PPP2R2B: variants seen among roughly 807,000 people sequenced by gnomAD.
The protein encoded by PPP2R2B is protein phosphatase 2 regulatory subunit Bbeta, also known as serine/threonine-protein phosphatase 2A 55 kDa regulatory subunit B beta isoform.
PPP2R2B carries 5 observed loss-of-function variants against 46.0 expected under a neutral mutation model. That is an observed-to-expected ratio of 0.11 (90% confidence interval 0.06 to 0.23). The LOEUF is 0.23. PPP2R2B is among the 10% of genes least tolerant of loss of function. The pLI is 1.00. For missense variants in PPP2R2B, 367 were observed against 575.0 expected, an observed-to-expected ratio of 0.64 and a Z score of 3.70; for synonymous variants, 215 against 206.7, an observed-to-expected ratio of 1.04 and a Z score of -0.34.
At chr5:146,778,794 AC>A (rs1755335688) in intron 2 of PPP2R2B, among the ~76,000 whole-genome samples, 1 of 152,106 alleles carries the variant, frequency 6.6e-6, no homozygotes, top group Non-Finnish European at 1.5e-5. Context: ...AATTTGGAAA[AC>A]TCAGAATCTA....
At chr5:146,854,656 CATTAT>C (rs1365660387) in intron 2 of PPP2R2B, among the ~76,000 whole-genome samples, 1 of 152,170 alleles carries the variant, frequency 6.6e-6, no homozygotes, top group Non-Finnish European at 1.5e-5. Context: ...GTGATTCTTA[CATTAT>C]ATTAAAACAC....
At chr5:146,853,021 G>A (rs1403201768) in intron 2 of PPP2R2B, among the ~76,000 whole-genome samples, 1 of 152,098 alleles carries the variant, frequency 6.6e-6, no homozygotes, top group Non-Finnish European at 1.5e-5. Flanking sequence ...TCGTCACAGA[G>A]GGGCATGGAG....
intron 1 of PPP2R2B, among the ~76,000 whole-genome samples, chr5:147,011,501 G>A (rs1580799127): frequency 6.6e-6 from 1 of 152,106 alleles, no homozygotes; most frequent in African/African-American, 2.4e-5. Flanking sequence ...TTCAGACTAT[G>A]TCTATAAGGA....
At position 146,878,472 on chromosome 5, in the gene PPP2R2B, G is replaced by A. The variant is rs1002573506; in HGVS notation, c.-125+119C>T. On this transcript the variant is annotated intron_variant, in intron 1 of 9. Transcript: ENST00000394411. The surrounding 1 kb of genome is among the most constrained non-coding windows in gnomAD (Gnocchi z 4.5). Reference sequence around the variant, plus strand: ...CAACAGGTTCCCCTCCTTGGCAGCCGCTCCAAAATGCAAAAAAGATCCCTC... The same window carrying A: ...CAACAGGTTCCCCTCCTTGGCAGCCACTCCAAAATGCAAAAAAGATCCCTC... The A allele has an allele frequency of 3.0e-6, 4 of 1,326,152 alleles. No individual in the cohort carries two copies. Among genetic ancestry groups the A allele is most frequent in the Admixed American group, 3.4e-5 (1 of 29,566 alleles). The allele number at this position is 1,326,152 out of a possible 1,614,324, so 82.1% of individuals were successfully genotyped here.
chr5:146,885,982 G>A (rs935307913), intron 1 of PPP2R2B, among the ~76,000 whole-genome samples: 3 of 152,106 alleles, frequency 2.0e-5, no homozygotes, highest in Non-Finnish European at 4.4e-5. Flanking sequence ...AAAAAAAAAA[G>A]GGGTGGGAAT....
At chr5:146,873,235 A>C (rs1761713661) in intron 2 of PPP2R2B, among the ~76,000 whole-genome samples, 1 of 152,112 alleles carries the variant, frequency 6.6e-6, no homozygotes, top group Non-Finnish European at 1.5e-5. Context: ...ATCTTTCTCT[A>C]TTACGTATCT....
intron 1 of PPP2R2B, among the ~76,000 whole-genome samples, chr5:146,944,898 G>T (rs1356283484): frequency 6.6e-6 from 1 of 152,094 alleles, no homozygotes; most frequent in East Asian, 1.9e-4. Flanking sequence ...CATTGAAAAG[G>T]TATGGCAAAT....
At chr5:147,053,285 G>T (rs1756920719) in intron 1 of PPP2R2B, among the ~76,000 whole-genome samples, 1 of 150,918 alleles carries the variant, frequency 6.6e-6, no homozygotes, top group Non-Finnish European at 1.5e-5. Context: ...ACAATGACAA[G>T]GAGAAGTTGG....
intron 2 of PPP2R2B, among the ~76,000 whole-genome samples, chr5:146,825,545 G>GT (rs923147840): frequency 1.2e-4 from 18 of 152,266 alleles, no homozygotes; most frequent in Admixed American, 8.5e-4. Flanking sequence ...TATCATAAGT[G>GT]TTTTTTCTTT....
At chr5:146,724,141 G>T (rs1012507050) in intron 2 of PPP2R2B, among the ~76,000 whole-genome samples, 1 of 152,050 alleles carries the variant, frequency 6.6e-6, no homozygotes, top group African/African-American at 2.4e-5. Flanking sequence ...GATTAAAAAG[G>T]CAGGTTGTCT....
intron 1 of PPP2R2B, among the ~76,000 whole-genome samples, chr5:147,017,352 T>A (rs1464671426): frequency 6.6e-6 from 1 of 151,528 alleles, no homozygotes; most frequent in Non-Finnish European, 1.5e-5. Flanking sequence ...GGGAGGGAGA[T>A]GACAGTTCAG....
chr5:146,807,068 G>C (rs1439559990), intron 2 of PPP2R2B, among the ~76,000 whole-genome samples: 5 of 152,116 alleles, frequency 3.3e-5, no homozygotes, highest in Non-Finnish European at 4.4e-5. Context: ...GGAGACCTGG[G>C]GGCCTGGCAG....
In PPP2R2B at chr5:146,587,339, G is replaced by C. The variant is rs919807210; in HGVS notation, c.*2608C>G. ...CTCCTGTTCCCGTCCAGGAGTCTTG[G>C]GTGTTTGCTCTAATGCATCCTTTGC... is the stretch of plus-strand genomic sequence containing the variant. On this transcript the variant is annotated 3_prime_UTR_variant, in exon 10 of 10. Transcript: ENST00000394411. 1 of 152,226 alleles carries C rather than the reference G, an allele frequency of 6.6e-6. No homozygotes were observed. Among genetic ancestry groups the C allele is most frequent in the Non-Finnish European group, 1.5e-5 (1 of 68,078 alleles). 9.4% of individuals were successfully genotyped at this position (152,226 alleles called of 1,614,324 possible). A position where few individuals can be genotyped will look rare whatever the true frequency, so the allele number is the denominator to read the frequency against.
intron 2 of PPP2R2B, among the ~76,000 whole-genome samples, chr5:146,814,171 C>T (rs1362633287): frequency 6.0e-5 from 9 of 148,806 alleles, no homozygotes; most frequent in Non-Finnish European, 8.9e-5. Context: ...CAAATAAATA[C>T]TGAAGGTAGA....
chr5:146,824,061 A>T (rs1024176380), intron 2 of PPP2R2B, among the ~76,000 whole-genome samples: 1 of 152,232 alleles, frequency 6.6e-6, no homozygotes, highest in African/African-American at 2.4e-5. Context: ...TTCTTCACTT[A>T]TAAGCAGCTA....
chr5:146,840,813 T>C (rs1452895677), intron 2 of PPP2R2B, among the ~76,000 whole-genome samples: 3 of 152,208 alleles, frequency 2.0e-5, no homozygotes, highest in Admixed American at 2.0e-4. Context: ...TAAAACAATC[T>C]ATTCATTGTC....
intron 1 of PPP2R2B, among the ~76,000 whole-genome samples, chr5:146,965,037 G>A (rs978299211): frequency 6.6e-6 from 1 of 152,038 alleles, no homozygotes; most frequent in Non-Finnish European, 1.5e-5. Context: ...AATTGATGGG[G>A]CTACACACCA....
chr5:146,973,607 T>C (rs1234125519), intron 1 of PPP2R2B, among the ~76,000 whole-genome samples: 1 of 152,204 alleles, frequency 6.6e-6, no homozygotes, highest in Non-Finnish European at 1.5e-5. Flanking sequence ...GGCTTGTAAT[T>C]CCTCACGTAT....
chr5:146,904,516 G>A lies in PPP2R2B; in HGVS notation c.79+151149C>T, dbSNP rs149460557. Among the ~76,000 whole-genome samples, 254 of 152,286 alleles carry A rather than the reference G, an allele frequency of 1.7e-3. 1 individual carries two copies. Among genetic ancestry groups the A allele is most frequent in the African/African-American group, 5.9e-3 (244 of 41,570 alleles). On this transcript the variant is annotated intron_variant, in intron 1 of 8. Transcript: ENST00000336640. ...TAGAAAATTCCACAGGCAGTATTGG[G>A]AGCGTGTTCCCCGAGTCCTAAAGTA...
Sources: allele counts gnomAD v4.1 joint callset (sites outside exome capture counted in the v4.1 genomes callset), GRCh38; gene constraint gnomAD v4.1.1; non-coding constraint Gnocchi (gnomAD v3.1); transcripts MANE v1.5; gene names NCBI Gene and HGNC (gene_info 2026-07-23, HGNC 2026-07-21).